PTPRT: variants seen among roughly 807,000 people sequenced by gnomAD.
PTPRT encodes the protein protein tyrosine phosphatase receptor type T.
In PTPRT, 56 loss-of-function variants were observed where a neutral mutation model predicts 176.8. The observed-to-expected ratio is 0.32, with a 90% confidence interval of 0.26 to 0.40. The LOEUF (loss-of-function observed/expected upper bound fraction) is 0.40. Among genes scored for constraint, PTPRT ranks in the 10% least tolerant of loss-of-function variants. The pLI is 1.00. For missense variants in PTPRT, 1,540 were observed against 1,908.2 expected (o/e 0.81, Z 3.60); for synonymous variants, 783 against 739.0 (o/e 1.06, Z -0.96).
chr20:42,121,206 A>G (rs1987571403), intron 19 of PTPRT, among the ~76,000 whole-genome samples: 1 of 152,130 alleles, frequency 6.6e-6, no homozygotes, highest in Non-Finnish European at 1.5e-5. Flanking sequence ...CTTGCTCGAT[A>G]ATGATTTTGC....
chr20:42,451,460 G>A (rs980547006), intron 8 of PTPRT, among the ~76,000 whole-genome samples: 2 of 152,072 alleles, frequency 1.3e-5, no homozygotes, highest in Non-Finnish European at 2.9e-5. Flanking sequence ...GCCAATGTTT[G>A]GAAATGGAAA....
chr20:42,364,033 G>T (rs2058480278), intron 9 of PTPRT, among the ~76,000 whole-genome samples: 1 of 152,150 alleles, frequency 6.6e-6, no homozygotes, highest in African/African-American at 2.4e-5. Flanking sequence ...TGGGGGCACA[G>T]AGGCCAAAAT....
At chr20:42,706,941 G>C (rs1424458119) in intron 6 of PTPRT, among the ~76,000 whole-genome samples, 1 of 152,192 alleles carries the variant, frequency 6.6e-6, no homozygotes, top group African/African-American at 2.4e-5. Flanking sequence ...CTTTATAGGA[G>C]AAGATGCACA....
chr20:42,764,329 A>C (rs564200913), intron 5 of PTPRT, among the ~76,000 whole-genome samples: 1 of 152,166 alleles, frequency 6.6e-6, no homozygotes, highest in African/African-American at 2.4e-5. Context: ...GGGATAAGAG[A>C]ATTAAGAAGG....
intron 9 of PTPRT, among the ~76,000 whole-genome samples, chr20:42,375,240 G>T (rs2058637042): frequency 6.6e-6 from 1 of 152,160 alleles, no homozygotes; most frequent in African/African-American, 2.4e-5. Context: ...TGCCCATCAG[G>T]TGGCAAGGAT....
chr20:42,770,273 C>T (rs1003890609), intron 5 of PTPRT, among the ~76,000 whole-genome samples: 1 of 152,112 alleles, frequency 6.6e-6, no homozygotes, highest in Non-Finnish European at 1.5e-5. Flanking sequence ...CAGGCACTCG[C>T]CACCACGCCC....
At chr20:42,712,658 A>C (rs190623511) in intron 6 of PTPRT, among the ~76,000 whole-genome samples, 1 of 152,350 alleles carries the variant, frequency 6.6e-6, no homozygotes, top group Non-Finnish European at 1.5e-5. Context: ...TTAAAATATA[A>C]TAATAAAAAC....
At chr20:43,134,812 T>C (rs75926944) in intron 1 of PTPRT, among the ~76,000 whole-genome samples, 1 of 152,382 alleles carries the variant, frequency 6.6e-6, no homozygotes, top group African/African-American at 2.4e-5. Flanking sequence ...GATAATAGAA[T>C]GCTGTTTATC....
intron 7 of PTPRT, among the ~76,000 whole-genome samples, chr20:42,558,292 C>G (rs2145639191): frequency 6.6e-6 from 1 of 152,214 alleles, no homozygotes; most frequent in Middle Eastern, 3.4e-3. Context: ...CCTTCAGCTC[C>G]ATCCACGTCC....
chr20:42,497,867 A>G (rs1382422966), intron 7 of PTPRT, among the ~76,000 whole-genome samples: 1 of 152,174 alleles, frequency 6.6e-6, no homozygotes, highest in African/African-American at 2.4e-5. Flanking sequence ...TCACTTCACA[A>G]ATTTCCTTTT....
chr20:42,627,554 G>A (rs1480956825), intron 7 of PTPRT, among the ~76,000 whole-genome samples: 2 of 152,076 alleles, frequency 1.3e-5, no homozygotes, highest in South Asian at 2.1e-4. Context: ...TTACAGGCAT[G>A]AGCCACCATG....
chr20:43,067,091 T>C (rs2146262875), intron 1 of PTPRT, among the ~76,000 whole-genome samples: 1 of 152,300 alleles, frequency 6.6e-6, no homozygotes, highest in Non-Finnish European at 1.5e-5. Context: ...AGCCCAAATG[T>C]GGGTCAATGG....
intron 7 of PTPRT, among the ~76,000 whole-genome samples, chr20:42,580,468 G>A (rs1189573560): frequency 6.6e-6 from 1 of 152,070 alleles, no homozygotes; most frequent in Non-Finnish European, 1.5e-5. Flanking sequence ...GATGGGGATG[G>A]CATTGAATCT....
At chr20:42,856,684 C>T (rs530797334) in intron 2 of PTPRT, among the ~76,000 whole-genome samples, 26 of 151,986 alleles carry the variant, frequency 1.7e-4, no homozygotes, top group African/African-American at 5.8e-4. Context: ...GAACATGTGA[C>T]GGCACAGTAT....
intron 7 of PTPRT, among the ~76,000 whole-genome samples, chr20:42,647,766 G>A (rs2074939669): frequency 6.6e-6 from 1 of 152,194 alleles, no homozygotes; most frequent in Non-Finnish European, 1.5e-5. Context: ...GATACCGGCT[G>A]ACGCTCATTA....
chr20:42,708,738 T>A (rs375786440), intron 6 of PTPRT, among the ~76,000 whole-genome samples: 1 of 152,222 alleles, frequency 6.6e-6, no homozygotes, highest in African/African-American at 2.4e-5. Flanking sequence ...ACATTATGAA[T>A]GTATTACTTA....
At chr20:43,155,055 TAGAG>T (rs967884591) in intron 1 of PTPRT, among the ~76,000 whole-genome samples, 23 of 152,102 alleles carry the variant, frequency 1.5e-4, no homozygotes, top group Non-Finnish European at 2.5e-4. Context: ...AGAGAAGTGT[TAGAG>T]AGGATGTGGA....
At chr20:43,172,649 G>C (rs765270378) in intron 1 of PTPRT, among the ~76,000 whole-genome samples, 2 of 152,150 alleles carry the variant, frequency 1.3e-5, no homozygotes, top group African/African-American at 2.4e-5. Flanking sequence ...TATTTATGGA[G>C]CACTTTCCAT....
chr20:42,511,686 A>T (rs1235203321), intron 7 of PTPRT, among the ~76,000 whole-genome samples: 1 of 151,858 alleles, frequency 6.6e-6, no homozygotes, highest in Non-Finnish European at 1.5e-5. Flanking sequence ...CTTAACTCTT[A>T]CTCTAATGAT....
Sources: gnomAD v4.1 joint callset for allele counts (sites outside exome capture counted in the v4.1 genomes callset) on GRCh38, gnomAD v4.1.1 for gene constraint, MANE v1.5 for transcripts, NCBI Gene and HGNC (gene_info 2026-07-23, HGNC 2026-07-21) for gene names.